Variants in SEMA3E observed in about 807,000 individuals in gnomAD.
The protein encoded by SEMA3E is semaphorin 3E, also known as semaphorin-3E.
Under a neutral mutation model 93.6 loss-of-function variants are expected in SEMA3E, and 49 were observed. The observed-to-expected ratio is 0.52, with a 90% CI of 0.42 to 0.66. The LOEUF is 0.66. SEMA3E is among the 30% of genes least tolerant of loss of function. SEMA3E has a pLI of 0.00. For missense variants in SEMA3E, 906 were observed against 964.8 expected (o/e 0.94, Z 0.81); for synonymous variants, 363 against 330.7 (o/e 1.10, Z -1.06).
chr7:83,536,365 T>C (rs903221195), intron 1 of SEMA3E, among the ~76,000 whole-genome samples: 4 of 152,078 alleles, frequency 2.6e-5, no homozygotes, highest in Non-Finnish European at 5.9e-5. Context: ...ATGTTAAGGC[T>C]TTGAATAATA....
chr7:83,621,985 A>G (rs1184150453), intron 1 of SEMA3E, among the ~76,000 whole-genome samples: 1 of 152,234 alleles, frequency 6.6e-6, no homozygotes, highest in Non-Finnish European at 1.5e-5. Flanking sequence ...GCAAATCTTG[A>G]TAAATGAGAT....
At chr7:83,369,682 A>G (rs971406418) in intron 16 of SEMA3E, among the ~76,000 whole-genome samples, 3 of 152,172 alleles carry the variant, frequency 2.0e-5, no homozygotes, top group Non-Finnish European at 2.9e-5. Context: ...AAGCAAAATC[A>G]TCTTCACCAC....
At chr7:83,553,197 A>G (rs1791803618) in intron 1 of SEMA3E, among the ~76,000 whole-genome samples, 2 of 152,172 alleles carry the variant, frequency 1.3e-5, no homozygotes, top group South Asian at 4.1e-4. Context: ...TTTCTCGGCC[A>G]GCCGACACTT....
rs563567265 is a variant in SEMA3E, at chr7:83,645,032, A to G, written c.115+3396T>C. The stretch of plus-strand genomic sequence containing the variant: ...TGAATTTCTGGGGCTTTCCATGTAC[A>G]TCGGTATTTCTTGCTCAACATAGGT... On this transcript the variant is annotated intron_variant, in intron 1 of 16. Transcript: ENST00000643230. 7.0e-4 allele frequency among the ~76,000 whole-genome samples: 106 copies of G among 152,078 alleles called. 1 individual carries two copies. In the Middle Eastern group the frequency reaches 0.01, roughly 15 times the overall value.
chr7:83,624,570 G>GT lies in SEMA3E; in HGVS notation c.115+23857dup, dbSNP rs1488029018. Among the ~76,000 whole-genome samples, 3 of 151,920 alleles carry GT rather than the reference G, an allele frequency of 2.0e-5. No individual in the cohort carries two copies. In the East Asian group the frequency reaches 5.8e-4, roughly 29 times the overall value. On this transcript the variant is annotated intron_variant, in intron 1 of 16. Coordinates refer to ENST00000643230, the MANE Select transcript of SEMA3E (RefSeq NM_012431.3). ...CCTTCGCCCACTTTTTGATGGGGTT[G>GT]TTTTTTTATTTTCTTGCAAATTTGT...
At chr7:83,481,401 T>C (rs1790143641) in intron 2 of SEMA3E, among the ~76,000 whole-genome samples, 1 of 152,188 alleles carries the variant, frequency 6.6e-6, no homozygotes, top group Non-Finnish European at 1.5e-5. Flanking sequence ...ACACGTTTTT[T>C]TTCAATTTCT....
intron 1 of SEMA3E, among the ~76,000 whole-genome samples, chr7:83,504,963 T>C (rs1159740606): frequency 1.3e-5 from 2 of 152,178 alleles, no homozygotes; most frequent in East Asian, 1.9e-4. Context: ...TTGTCACTTA[T>C]CATTTGAATA....
intron 4 of SEMA3E, among the ~76,000 whole-genome samples, chr7:83,427,299 C>T (rs1030185003): frequency 6.6e-6 from 1 of 151,422 alleles, no homozygotes; most frequent in Non-Finnish European, 1.5e-5. Context: ...TATCAAATTA[C>T]TGACTCGATG....
intron 12 of SEMA3E, among the ~76,000 whole-genome samples, chr7:83,395,406 T>C (rs957292124): frequency 6.6e-6 from 1 of 152,160 alleles, no homozygotes; most frequent in Non-Finnish European, 1.5e-5. Context: ...ATAGAGCCAA[T>C]CTTTGTTATT....
At chr7:83,492,614 T>G (rs542315676) in intron 1 of SEMA3E, among the ~76,000 whole-genome samples, 1 of 152,018 alleles carries the variant, frequency 6.6e-6, no homozygotes, top group South Asian at 2.1e-4. Flanking sequence ...CACGTTTCTG[T>G]GGGTACATAC....
At chr7:83,368,926 T>G (rs142780906) in intron 16 of SEMA3E, among the ~76,000 whole-genome samples, 142 of 152,314 alleles carry the variant, frequency 9.3e-4, no homozygotes, top group African/African-American at 3.3e-3. Flanking sequence ...TTTAGGGCAT[T>G]CATGTATGTT....
chr7:83,563,586 A>G (rs1792080606), intron 1 of SEMA3E, among the ~76,000 whole-genome samples: 3 of 152,322 alleles, frequency 2.0e-5, no homozygotes, highest in Non-Finnish European at 2.9e-5. Context: ...GGGGCCCAGC[A>G]TGCTGGGTTG....
intron 1 of SEMA3E, among the ~76,000 whole-genome samples, chr7:83,504,306 C>T (rs146465309): frequency 7.8e-4 from 118 of 152,184 alleles, no homozygotes; most frequent in African/African-American, 2.5e-3. Flanking sequence ...GAAATTGAAC[C>T]TACTCATCTA....
chr7:83,515,478 T>A lies in SEMA3E; in HGVS notation c.116-25204A>T, dbSNP rs560214834. On this transcript the variant is annotated intron_variant, in intron 1 of 16. Coordinates refer to ENST00000643230, the MANE Select transcript of SEMA3E (RefSeq NM_012431.3). ...GTTGCCTTCTCATCCATCCTTCCCA[T>A]GCTGCTTAGAGGAGTGGAGAGTATG... Among the ~76,000 whole-genome samples the A allele has an allele frequency of 2.6e-5, 4 of 152,276 alleles. No homozygotes were observed. In the South Asian group the frequency reaches 6.2e-4, roughly 24 times the overall value.
chr7:83,501,302 G>A (rs1458451323), intron 1 of SEMA3E, among the ~76,000 whole-genome samples: 3 of 152,168 alleles, frequency 2.0e-5, no homozygotes, highest in Admixed American at 1.3e-4. Context: ...GTGTACAAAA[G>A]TGTAATGTTA....
chr7:83,469,180 T>C lies in SEMA3E; in HGVS notation c.336+63A>G. ...GCAAATAAAAATTTCAGTGATTCAG[T>C]TCTTTGTGGTTAACTAGGGATATAA... On this transcript the variant is annotated intron_variant, in intron 3 of 16. Coordinates refer to ENST00000643230, the MANE Select transcript of SEMA3E (RefSeq NM_012431.3). 3.0e-6 allele frequency: 4 copies of C among 1,336,134 alleles called. No homozygotes were observed. The South Asian group carries it at 3.5e-5, about 12-fold the overall frequency. The allele number at this position is 1,336,134 out of a possible 1,614,324, so 82.8% of individuals were successfully genotyped here. A position where few individuals can be genotyped will look rare whatever the true frequency, so the allele number is the denominator to read the frequency against.
intron 13 of SEMA3E, among the ~76,000 whole-genome samples, chr7:83,393,768 T>C (rs1788065610): frequency 1.3e-5 from 2 of 152,298 alleles, no homozygotes; most frequent in South Asian, 4.1e-4. Flanking sequence ...TACACCAAAC[T>C]GATTTCAGTG....
chr7:83,612,478 A>T (rs1793285786), intron 1 of SEMA3E: 1 of 152,172 alleles, frequency 6.6e-6, no homozygotes, highest in African/African-American at 2.4e-5. Context: ...TATATCTTAC[A>T]AATGAAGAAC....
At chr7:83,385,073 T>C (rs759363571) in intron 16 of SEMA3E, among the ~76,000 whole-genome samples, 17 of 150,228 alleles carry the variant, frequency 1.1e-4, no homozygotes, top group Non-Finnish European at 2.2e-4. Context: ...GTGTATAGCA[T>C]ATATATATTT....
Sources: gnomAD v4.1 joint callset for allele counts (sites outside exome capture counted in the v4.1 genomes callset) on GRCh38, gnomAD v4.1.1 for gene constraint, MANE v1.5 for transcripts, NCBI Gene and HGNC (gene_info 2026-07-23, HGNC 2026-07-21) for gene names.